Variants in IQCJ observed in about 807,000 individuals in gnomAD.
IQCJ encodes IQ motif containing J.
A neutral mutation model predicts 11.0 loss-of-function variants in IQCJ; 9 were observed. The observed-to-expected ratio is 0.82, with a 90% CI of 0.49 to 1.43. The LOEUF (loss-of-function observed/expected upper bound fraction) is 1.43. IQCJ is among the 40% of genes most tolerant of loss of function. The probability of loss-of-function intolerance (pLI) is 0.00; values close to 1 mark genes in which losing one functional copy is unlikely to be tolerated. For missense variants in IQCJ, 146 were observed against 133.2 expected (o/e 1.10, Z -0.47); for synonymous variants, 55 against 51.3 (o/e 1.07, Z -0.31).
At chr3:159,212,394 G>A (rs11715082) in intron 1 of IQCJ, among the ~76,000 whole-genome samples, 22,708 of 152,116 alleles carry the variant, frequency 0.15, 1,967 homozygotes, top group Admixed American at 0.21. Context: ...CTGGGCAGTG[G>A]TTGTGAAGAT....
intron 1 of IQCJ, among the ~76,000 whole-genome samples, chr3:159,149,418 C>T (rs923152117): frequency 6.6e-6 from 1 of 152,202 alleles, no homozygotes; most frequent in Non-Finnish European, 1.5e-5. Context: ...TACAGTTTCA[C>T]AGGCAGTGTC....
At chr3:159,122,136 G>C (rs1369522413) in intron 1 of IQCJ, among the ~76,000 whole-genome samples, 1 of 152,140 alleles carries the variant, frequency 6.6e-6, no homozygotes, top group African/African-American at 2.4e-5. Flanking sequence ...TTGTGCTGTG[G>C]TAAGATAGAG....
chr3:159,157,212 C>T (rs1336080589), intron 1 of IQCJ, among the ~76,000 whole-genome samples: 2 of 152,194 alleles, frequency 1.3e-5, no homozygotes, highest in East Asian at 3.8e-4. Flanking sequence ...GAAGCTGGCT[C>T]AGGCTTTGGC....
intron 1 of IQCJ, among the ~76,000 whole-genome samples, chr3:159,143,311 T>C (rs1720735730): frequency 6.6e-6 from 1 of 152,204 alleles, no homozygotes; most frequent in South Asian, 2.1e-4. Flanking sequence ...CCAAGTACTG[T>C]TCCATACAAA....
rs1306087463 is a variant in IQCJ at position 159,240,737 on chromosome 3, GCACCACTA to G, written c.10-5101_10-5094del. Among the ~76,000 whole-genome samples, 42 of 151,600 alleles carry G rather than the reference GCACCACTA, an allele frequency of 2.8e-4. 1 individual carries two copies. Among genetic ancestry groups the G allele is most frequent in the Admixed American group, 2.8e-3 (42 of 15,204 alleles). On this transcript the variant is annotated intron_variant, in intron 1 of 3. Transcript: ENST00000397832. ...GGCCGAGGTCCAGCACTACAGGAGT[GCACCACTA>G]CACCCAGCTAATTTTTTTGTACTTT...
At chr3:159,195,861 C>T (rs1723955546) in intron 1 of IQCJ, among the ~76,000 whole-genome samples, 1 of 152,204 alleles carries the variant, frequency 6.6e-6, no homozygotes, top group African/African-American at 2.4e-5. Context: ...CCAATAATAT[C>T]TCAGTAATTC....
intron 2 of IQCJ, among the ~76,000 whole-genome samples, chr3:159,247,762 T>A (rs1464079541): frequency 6.6e-6 from 1 of 152,212 alleles, no homozygotes; most frequent in African/African-American, 2.4e-5. Context: ...GGAGAAGGGT[T>A]CTAGTTTCTA....
chr3:159,141,372 T>C (rs1246517267), intron 1 of IQCJ, among the ~76,000 whole-genome samples: 1 of 152,138 alleles, frequency 6.6e-6, no homozygotes, highest in Non-Finnish European at 1.5e-5. Flanking sequence ...CAGGACCCAG[T>C]AGGCTGTATT....
chr3:159,163,863 G>C (rs1002212370), intron 1 of IQCJ, among the ~76,000 whole-genome samples: 1 of 152,130 alleles, frequency 6.6e-6, no homozygotes, highest in South Asian at 2.1e-4. Flanking sequence ...CATACACTAC[G>C]CTTGAGGTAT....
chr3:159,092,568 G>A (rs953867618), intron 1 of IQCJ, among the ~76,000 whole-genome samples: 1 of 151,616 alleles, frequency 6.6e-6, no homozygotes, highest in Admixed American at 6.6e-5. Context: ...CGTGGTGACA[G>A]GCATCTGTAG....
At chr3:159,119,234 T>G (rs1719205144) in intron 1 of IQCJ, among the ~76,000 whole-genome samples, 2 of 152,180 alleles carry the variant, frequency 1.3e-5, no homozygotes, top group South Asian at 4.1e-4. Flanking sequence ...CTTAGAATAA[T>G]CAATTAGCCT....
intron 1 of IQCJ, among the ~76,000 whole-genome samples, chr3:159,199,672 C>G (rs1231484433): frequency 1.3e-5 from 2 of 152,212 alleles, no homozygotes; most frequent in South Asian, 4.2e-4. Context: ...AAACATTCAT[C>G]TGGAGCTTAC....
intron 1 of IQCJ, among the ~76,000 whole-genome samples, chr3:159,178,974 G>A (rs752468988): frequency 1.1e-4 from 17 of 151,936 alleles, no homozygotes; most frequent in African/African-American, 3.1e-4. Flanking sequence ...GTGTGTGTGC[G>A]CACATGCATA....
chr3:159,256,727 C>A (rs1727919602), intron 3 of IQCJ, among the ~76,000 whole-genome samples: 2 of 152,178 alleles, frequency 1.3e-5, no homozygotes, highest in Non-Finnish European at 1.5e-5. Flanking sequence ...TGCAAACATA[C>A]CTTTTTCAAA....
At chr3:159,131,300 C>T (rs1719973879) in intron 1 of IQCJ, among the ~76,000 whole-genome samples, 1 of 151,716 alleles carries the variant, frequency 6.6e-6, no homozygotes. Context: ...CTACACACCA[C>T]CCCCCGCCTC....
intron 1 of IQCJ, among the ~76,000 whole-genome samples, chr3:159,121,558 G>C (rs139816052): frequency 6.6e-6 from 1 of 152,144 alleles, no homozygotes; most frequent in Non-Finnish European, 1.5e-5. Flanking sequence ...AAAGGAGGTT[G>C]GTATGTATGC....
intron 1 of IQCJ, among the ~76,000 whole-genome samples, chr3:159,199,422 G>C (rs1462594832): frequency 3.3e-5 from 5 of 152,156 alleles, no homozygotes; most frequent in Admixed American, 3.3e-4. Context: ...CTCTCCTAAG[G>C]CCTCCAGGAG....
intron 1 of IQCJ, among the ~76,000 whole-genome samples, chr3:159,151,615 A>G (rs1414252665): frequency 2.0e-5 from 3 of 152,174 alleles, no homozygotes; most frequent in Non-Finnish European, 4.4e-5. Flanking sequence ...ACAAAAACAA[A>G]AAAACAAAAT....
At chr3:159,138,128 G>A (rs1720402936) in intron 1 of IQCJ, among the ~76,000 whole-genome samples, 1 of 152,198 alleles carries the variant, frequency 6.6e-6, no homozygotes, top group Non-Finnish European at 1.5e-5. Context: ...ACAGTGACGT[G>A]TTCCTGCCCC....
Sources: gnomAD v4.1 joint callset for allele counts (sites outside exome capture counted in the v4.1 genomes callset) on GRCh38, gnomAD v4.1.1 for gene constraint, MANE v1.5 for transcripts, NCBI Gene and HGNC (gene_info 2026-07-23, HGNC 2026-07-21) for gene names.